ARHGAP32: variants seen among roughly 807,000 people sequenced by gnomAD.
ARHGAP32 encodes the protein Rho GTPase activating protein 32, also known as rho GTPase-activating protein 32.
ARHGAP32 carries 51 observed loss-of-function variants against 186.5 expected under a neutral mutation model. That is an observed-to-expected ratio of 0.27 (90% CI 0.22 to 0.35). The LOEUF (loss-of-function observed/expected upper bound fraction) is 0.35, where lower values mean the gene tolerates loss of function less well. ARHGAP32 is among the 10% of genes least tolerant of loss of function. The pLI, the probability that ARHGAP32 is intolerant of heterozygous loss-of-function variation, is 1.00. For missense variants in ARHGAP32, 2,186 were observed against 2,623.5 expected (o/e 0.83, Z 3.64); for synonymous variants, 950 against 964.3 (o/e 0.99, Z 0.27).
At chr11:129,100,046 G>A (rs531549005) in intron 5 of ARHGAP32, among the ~76,000 whole-genome samples, 1 of 152,314 alleles carries the variant, frequency 6.6e-6, no homozygotes, top group East Asian at 1.9e-4. Context: ...CTGGCAGGCA[G>A]AGACCCCCCT....
intron 1 of ARHGAP32, among the ~76,000 whole-genome samples, chr11:129,273,430 A>T (rs1565486923): frequency 1.3e-5 from 2 of 152,218 alleles, no homozygotes. Context: ...GATTCTCCTT[A>T]GGTAGGTCAA....
chr11:129,110,166 C>T lies in ARHGAP32; in HGVS notation c.444+13280G>A, dbSNP rs1591623402. 2.0e-5 allele frequency among the ~76,000 whole-genome samples: 3 copies of T among 152,192 alleles called. No individual in the cohort carries two copies. In the East Asian group the frequency reaches 5.8e-4, roughly 29 times the overall value. Reference sequence around the variant, plus strand: ...GTTTCATTCTTCTACATGTGGACATCCACTTTTCCCAGCAACATTTATTGA... The same window carrying T: ...GTTTCATTCTTCTACATGTGGACATTCACTTTTCCCAGCAACATTTATTGA... On this transcript the variant is annotated intron_variant, in intron 5 of 22. Coordinates refer to ENST00000682385, the MANE Select transcript of ARHGAP32 (RefSeq NM_001378024.1).
At chr11:129,100,855 T>C (rs1941877571) in intron 5 of ARHGAP32, among the ~76,000 whole-genome samples, 1 of 152,110 alleles carries the variant, frequency 6.6e-6, no homozygotes, top group African/African-American at 2.4e-5. Flanking sequence ...CCCAGCTGCA[T>C]TGCCCCTGCC....
At position 129,110,131 on chromosome 11, in the gene ARHGAP32, T is replaced by C. The variant is rs1031026425; in HGVS notation, c.444+13315A>G. The stretch of plus-strand genomic sequence containing the variant: ...GTTGATTGTTTTATATGATGAGAGA[T>C]AGGGGTTTAGTTTCATTCTTCTACA... On this transcript the variant is annotated intron_variant, in intron 5 of 22. Transcript: ENST00000682385. Among the ~76,000 whole-genome samples the C allele has an allele frequency of 5.9e-5, 9 of 152,148 alleles. No homozygotes were observed. In the East Asian group the frequency reaches 9.6e-4, roughly 16 times the overall value.
intron 11 of ARHGAP32, among the ~76,000 whole-genome samples, chr11:129,038,837 T>C (rs1481887703): frequency 7.2e-6 from 1 of 138,406 alleles, no homozygotes; most frequent in Non-Finnish European, 1.5e-5. Context: ...CAGTGAGCTA[T>C]GATCACAACA....
At chr11:129,097,501 G>A (rs968083742) in intron 5 of ARHGAP32, among the ~76,000 whole-genome samples, 1 of 152,106 alleles carries the variant, frequency 6.6e-6, no homozygotes, top group Non-Finnish European at 1.5e-5. Flanking sequence ...ATCAAATTTT[G>A]TAGCTGAGAA....
chr11:129,008,723 T>C (rs371779485), intron 11 of ARHGAP32, among the ~76,000 whole-genome samples: 8 of 152,368 alleles, frequency 5.3e-5, no homozygotes, highest in South Asian at 2.1e-4. Flanking sequence ...ATAATGTTGA[T>C]GCTATCTCTG....
chr11:129,232,690 C>T (rs118140765), intron 1 of ARHGAP32, among the ~76,000 whole-genome samples: 46 of 152,224 alleles, frequency 3.0e-4, no homozygotes, highest in Non-Finnish European at 6.6e-4. Context: ...CAAGTTCATG[C>T]GGGTTGTTGG....
chr11:129,118,872 G>C (rs528121715), intron 5 of ARHGAP32, among the ~76,000 whole-genome samples: 1 of 151,962 alleles, frequency 6.6e-6, no homozygotes, highest in Non-Finnish European at 1.5e-5. Flanking sequence ...AATCTTAGTA[G>C]AGTGTAAAAA....
At chr11:129,035,163 T>A (rs1939278899) in intron 11 of ARHGAP32, among the ~76,000 whole-genome samples, 1 of 145,108 alleles carries the variant, frequency 6.9e-6, no homozygotes. Flanking sequence ...CCCCCTCTTT[T>A]GTTTCCTCTC....
At chr11:128,981,371 AG>A in intron 17 of ARHGAP32, 44 bp downstream of exon 17, 1 of 1,540,416 alleles carries the variant, frequency 6.5e-7, no homozygotes, top group Non-Finnish European at 8.8e-7. Context: ...CTCCTCTGGA[AG>A]CTGAGACACA....
chr11:129,247,748 C>A (rs1442995836), intron 1 of ARHGAP32, among the ~76,000 whole-genome samples: 1 of 151,942 alleles, frequency 6.6e-6, no homozygotes, highest in Non-Finnish European at 1.5e-5. Context: ...CTTGTAATAG[C>A]AAAACAGGAA....
intron 1 of ARHGAP32, among the ~76,000 whole-genome samples, chr11:129,168,294 C>T (rs1012858761): frequency 1.3e-5 from 2 of 152,034 alleles, no homozygotes; most frequent in African/African-American, 4.8e-5. Flanking sequence ...TTAAATATAA[C>T]AACACCAAAA....
At chr11:129,231,515 T>C (rs1462110022) in intron 1 of ARHGAP32, among the ~76,000 whole-genome samples, 1 of 152,208 alleles carries the variant, frequency 6.6e-6, no homozygotes, top group Non-Finnish European at 1.5e-5. Context: ...GAGTAGCTTG[T>C]ATTTCTCCAA....
At chr11:129,217,253 C>A (rs1435777094) in intron 1 of ARHGAP32, among the ~76,000 whole-genome samples, 2 of 152,134 alleles carry the variant, frequency 1.3e-5, no homozygotes, top group Non-Finnish European at 2.9e-5. Flanking sequence ...ACCTGTATGT[C>A]CCCCTTTCTT....
chr11:129,148,863 G>A (rs1032927926), intron 2 of ARHGAP32, among the ~76,000 whole-genome samples: 6 of 152,072 alleles, frequency 3.9e-5, no homozygotes, highest in East Asian at 1.9e-4. Flanking sequence ...GAACAACAGA[G>A]GCAACCAAAA....
At position 129,205,277 on chromosome 11, in the gene ARHGAP32, A is replaced by G. The variant is rs79579643; in HGVS notation, c.-4-40850T>C. 5.7e-3 allele frequency among the ~76,000 whole-genome samples: 875 copies of G among 152,268 alleles called. 6 individuals carry two copies. Among genetic ancestry groups the G allele is most frequent in the African/African-American group, 0.02 (816 of 41,576 alleles). On this transcript the variant is annotated intron_variant, in intron 1 of 6. Coordinates refer to the ARHGAP32 transcript ENST00000525234. Reference sequence around the variant, plus strand: ...TCTGATGCCTCAAACATTACTTGAAAAATAATAAGGCTGTTTTTAAGTGTC... The same window carrying G: ...TCTGATGCCTCAAACATTACTTGAAGAATAATAAGGCTGTTTTTAAGTGTC...
intron 2 of ARHGAP32, among the ~76,000 whole-genome samples, chr11:129,128,293 T>G (rs1391705501): frequency 1.3e-5 from 2 of 152,204 alleles, no homozygotes; most frequent in Non-Finnish European, 2.9e-5. Flanking sequence ...TAAAAGACTT[T>G]TCCATTCATC....
intron 1 of ARHGAP32, among the ~76,000 whole-genome samples, chr11:129,248,225 A>T (rs1565480147): frequency 6.6e-6 from 1 of 151,896 alleles, no homozygotes; most frequent in Non-Finnish European, 1.5e-5. Context: ...AAAAAAAAAA[A>T]AAAAAGGAAA....
Sources: allele counts gnomAD v4.1 joint callset (sites outside exome capture counted in the v4.1 genomes callset), GRCh38; gene constraint gnomAD v4.1.1; transcripts MANE v1.5; gene names NCBI Gene and HGNC (gene_info 2026-07-23, HGNC 2026-07-21).